MORC3: variants seen among roughly 807,000 people sequenced by gnomAD.
MORC3 encodes the protein MORC family CW-type zinc finger protein 3.
MORC3 carries 31 observed loss-of-function variants against 109.1 expected under a neutral mutation model. The observed-to-expected ratio is 0.28, with a 90% confidence interval of 0.21 to 0.38. The LOEUF (loss-of-function observed/expected upper bound fraction) is 0.38. MORC3 is among the 10% of genes least tolerant of loss of function. The pLI is 1.00. For synonymous variants in MORC3, 395 were observed against 380.7 expected (o/e 1.04, Z -0.44); for missense variants, 867 against 1,135.8 (o/e 0.76, Z 3.40).
chr21:36,370,633 ATATATATTTTTTTTTTTTTTTTTT>A (rs2085849251), intron 15 of MORC3, among the ~76,000 whole-genome samples: 1 of 46,480 alleles, frequency 2.2e-5, no homozygotes, highest in African/African-American at 8.6e-5. Context: ...ATATATATAT[ATATATATTTTTTTTTTTTTTTTTT>A]TTTTTTTTTT....
rs202111693 is a variant in MORC3 at position 36,320,238 on chromosome 21, C to G, written c.-27C>G. ...CTCCCAGTCGGGTTGCGGCGGAGGC[C>G]GTTCCTGGCTTTGTAGCTCGCTCAA... On this transcript the variant is annotated 5_prime_UTR_variant, in exon 1 of 17. Transcript: ENST00000400485. The G allele has an allele frequency of 3.8e-5, 60 of 1,575,706 alleles. No individual in the cohort carries two copies. Among genetic ancestry groups the G allele is most frequent in the East Asian group, 2.8e-4 (12 of 42,136 alleles).
intron 3 of MORC3, 59 bp from the exon 4 acceptor site, chr21:36,337,673 T>G (rs906282587): frequency 8.3e-6 from 9 of 1,087,538 alleles, no homozygotes; most frequent in Non-Finnish European, 1.1e-5. Flanking sequence ...AGGTATTTAT[T>G]TATTTATTTA....
rs1601534302 is a variant in MORC3, at chr21:36,360,131, G to T, written c.1332-53G>T. On this transcript the variant is annotated intron_variant, in intron 11 of 16. Transcript: ENST00000400485. ...GGAAAGACGGAAAGTACTGTTCACA[G>T]TGTATGAATAGGCGCTGGTGACATG... 5 of 1,613,968 alleles carry T rather than the reference G, an allele frequency of 3.1e-6. No individual in the cohort carries two copies. In the East Asian group the frequency reaches 1.1e-4, roughly 36 times the overall value.
chr21:36,370,639 ATTTTTTTTTTTTTT>A lies in MORC3; in HGVS notation c.2508+782_2508+795del, dbSNP rs869169013. On this transcript the variant is annotated intron_variant, in intron 15 of 16. Coordinates refer to ENST00000400485, the MANE Select transcript of MORC3 (RefSeq NM_015358.3). ...TATATATATATATATATATATATAT[ATTTTTTTTTTTTTT>A]TTTTTTTTTTTTTTTTTTCTTCTTC... 1.0e-3 allele frequency among the ~76,000 whole-genome samples: 38 copies of A among 37,550 alleles called. 2 individuals are homozygous for A. In the South Asian group the frequency reaches 0.023, roughly 23 times the overall value. The allele number at this position is 37,550 out of a possible 152,430, so 24.6% of individuals were successfully genotyped here. A position where few individuals can be genotyped will look rare whatever the true frequency, so the allele number is the denominator to read the frequency against.
rs1238437401 is a variant in MORC3, at chr21:36,349,374, A to G, written c.1069A>G (p.Asn357Asp). Residue 357 changes from asparagine to aspartate, a missense_variant, in exon 9 of 17, where the codon AAT becomes GAT. Physicochemically the swap from Asn to Asp is conservative, Grantham distance 23. Transcript: ENST00000400485. ...GTGTAATTTCCTTAAGCCAACTCATAATAAACAAGATTTCGACTATACTAA... is the reference window on the plus strand; with the variant it reads ...GTGTAATTTCCTTAAGCCAACTCATGATAAACAAGATTTCGACTATACTAA... ...IECNFLKPTH[N>D]KQDFDYTNEY... The G allele has an allele frequency of 6.2e-7, 1 of 1,610,348 alleles. No homozygotes were observed. The highest frequency in any genetic ancestry group is 1.7e-5 in the Admixed American group (1 of 59,352).
intron 1 of MORC3, among the ~76,000 whole-genome samples, chr21:36,325,978 A>G (rs1006260140): frequency 6.6e-6 from 1 of 151,990 alleles, no homozygotes; most frequent in Admixed American, 6.6e-5. Context: ...AGGCCGAGGC[A>G]GGGGGATCAC....
At chr21:36,375,026 TTTTG>T (rs1463445393) in intron 16 of MORC3, 113 bp from the exon 17 acceptor site, 5 of 1,112,868 alleles carry the variant, frequency 4.5e-6, no homozygotes, top group African/African-American at 3.2e-5. Context: ...TTGCTTTTCC[TTTTG>T]TTTAATTGTA....
At chr21:36,362,012 T>G in intron 12 of MORC3, 171 bp from the exon 13 acceptor site, 1 of 729,958 alleles carries the variant, frequency 1.4e-6, no homozygotes, top group Non-Finnish European at 2.3e-6. Flanking sequence ...CAGGCTAAAA[T>G]TAGGGTGCTA....
rs2085478963 is a variant in MORC3, at chr21:36,343,857, T to TTGTTAG, written c.757-721_757-720insGTTAGT. The stretch of plus-strand genomic sequence containing the variant: ...TTTTGCTAAGGTCTTAGCAATTACA[T>TTGTTAG]TATTAGTAATAGTAATAGTAAATAG... On this transcript the variant is annotated intron_variant, in intron 6 of 16. Transcript: ENST00000400485. 8.5e-5 allele frequency among the ~76,000 whole-genome samples: 13 copies of TTGTTAG among 152,228 alleles called. No individual in the cohort carries two copies. The South Asian group carries it at 2.7e-3, about 32-fold the overall frequency.
intron 8 of MORC3, among the ~76,000 whole-genome samples, chr21:36,349,029 G>C (rs1174405924): frequency 1.3e-5 from 2 of 152,014 alleles, no homozygotes; most frequent in Non-Finnish European, 2.9e-5. Flanking sequence ...GTGCGCGCCT[G>C]TACTTCCAGC....
chr21:36,329,715 C>T (rs918056753), intron 1 of MORC3, among the ~76,000 whole-genome samples: 2 of 152,182 alleles, frequency 1.3e-5, no homozygotes, highest in Admixed American at 6.5e-5. Flanking sequence ...GGCGTAACAT[C>T]ACATAACAAG....
chr21:36,339,516 A>G (rs904759085), intron 5 of MORC3: 2 of 147,576 alleles, frequency 1.4e-5, no homozygotes, highest in African/African-American at 2.5e-5. Flanking sequence ...AAAAAAAAAA[A>G]AAAAGAAAAA....
At chr21:36,333,809 G>GTC (rs1205902175) in intron 2 of MORC3, 91 bp downstream of exon 2, 2 of 1,045,912 alleles carry the variant, frequency 1.9e-6, no homozygotes, top group Non-Finnish European at 2.8e-6. Context: ...TTTAAACAGA[G>GTC]TCTCTCTCTG....
chr21:36,375,033 T>C, intron 16 of MORC3, 110 bp from the exon 17 acceptor site: 1 of 1,158,014 alleles, frequency 8.6e-7, no homozygotes, highest in Non-Finnish European at 1.2e-6. Flanking sequence ...TCCTTTTGTT[T>C]AATTGTATAT....
In MORC3 at chr21:36,369,174, C is replaced by A. The variant is rs200722484; in HGVS notation, c.1806C>A (p.His602Gln). The A allele has an allele frequency of 1.2e-6, 2 of 1,614,120 alleles. No individual in the cohort carries two copies. The highest frequency in any genetic ancestry group is 1.7e-5 in the Admixed American group (1 of 60,000). The change falls in exon 15 of 17, where the codon CAC (histidine) becomes CAA (glutamine). Residue 602 changes from histidine (H) to glutamine (Q), a missense_variant. Coordinates refer to ENST00000400485, the MANE Select transcript of MORC3 (RefSeq NM_015358.3). Reference protein sequence around the residue: ...HDIDMKSEQSHVEQGGVQVEF... With the variant: ...HDIDMKSEQSQVEQGGVQVEF... ...TTGACATGAAATCAGAACAGAGTCA[C>A]GTTGAGCAAGGTGGTGTTCAGGTTG...
At chr21:36,356,873 G>A in intron 10 of MORC3, 149 bp downstream of exon 10, 1 of 491,410 alleles carries the variant, frequency 2.0e-6, no homozygotes, top group Non-Finnish European at 3.7e-6. Flanking sequence ...CAAAATCAGT[G>A]AATAGAATGT....
At chr21:36,339,528 GAAA>G (rs201995828) in intron 5 of MORC3, 1 of 109,190 alleles carries the variant, frequency 9.2e-6, no homozygotes, top group Non-Finnish European at 1.9e-5. Context: ...AAAGAAAAAA[GAAA>G]AAAAGCAATG....
At chr21:36,333,174 A>G (rs905791303) in intron 1 of MORC3, among the ~76,000 whole-genome samples, 1 of 152,214 alleles carries the variant, frequency 6.6e-6, no homozygotes, top group African/African-American at 2.4e-5. Context: ...ATGAACTTGG[A>G]GTAAATAATG....
rs1569094176 is a variant in MORC3, at chr21:36,339,858, C to T, written c.608+937C>T. Among the ~76,000 whole-genome samples the T allele has an allele frequency of 3.9e-5, 6 of 152,318 alleles. 1 individual carries two copies. The South Asian group carries it at 8.3e-4, about 21-fold the overall frequency. The stretch of plus-strand genomic sequence containing the variant: ...TTCTTGCTTTCACTTCCCTACCCCT[C>T]CTTCTCCTGGAGGATTTTTTCAATT... On this transcript the variant is annotated intron_variant, in intron 5 of 16. Coordinates refer to ENST00000400485, the MANE Select transcript of MORC3 (RefSeq NM_015358.3).
Sources: allele counts gnomAD v4.1 joint callset (sites outside exome capture counted in the v4.1 genomes callset), GRCh38; gene constraint gnomAD v4.1.1; transcripts MANE v1.5; gene names NCBI Gene and HGNC (gene_info 2026-07-23, HGNC 2026-07-21).